Variants in B3GLCT observed in about 807,000 individuals in gnomAD.
B3GLCT encodes the protein beta-1,3-glucosyltransferase.
Under a neutral mutation model 63.4 loss-of-function variants are expected in B3GLCT, and 65 were observed. That is an observed-to-expected ratio of 1.03 (90% CI 0.84 to 1.26). The LOEUF is 1.26. Ranked by LOEUF, B3GLCT falls within the 50% of genes most tolerant of loss-of-function variation. B3GLCT has a pLI of 0.00. For synonymous variants in B3GLCT, 233 were observed against 219.2 expected, an observed-to-expected ratio of 1.06 and a Z score of -0.55; for missense variants, 577 against 604.8, an observed-to-expected ratio of 0.95 and a Z score of 0.48.
intron 4 of B3GLCT, among the ~76,000 whole-genome samples, chr13:31,235,155 G>A (rs1269590209): frequency 6.6e-6 from 1 of 152,130 alleles, no homozygotes. Flanking sequence ...GAGAATGGCA[G>A]GGACGCTTCC....
At chr13:31,286,111 A>G (rs1265842854) in intron 11 of B3GLCT, among the ~76,000 whole-genome samples, 1 of 152,160 alleles carries the variant, frequency 6.6e-6, no homozygotes, top group Non-Finnish European at 1.5e-5. Context: ...CAAGTGTTTT[A>G]TTTTTGTCCA....
chr13:31,243,169 G>A (rs572399967), intron 4 of B3GLCT, among the ~76,000 whole-genome samples: 6 of 152,330 alleles, frequency 3.9e-5, no homozygotes, highest in African/African-American at 1.4e-4. Context: ...AATGGAATCA[G>A]TCTTAAAAGT....
In B3GLCT at chr13:31,297,382, T is replaced by G. The variant is rs891563854; in HGVS notation, c.1064+10563T>G. 1.4e-3 allele frequency among the ~76,000 whole-genome samples: 211 copies of G among 151,868 alleles called. 1 individual carries two copies. Among genetic ancestry groups the G allele is most frequent in the African/African-American group, 4.7e-3 (193 of 41,384 alleles). On this transcript the variant is annotated intron_variant, in intron 12 of 14. Coordinates refer to ENST00000343307, the MANE Select transcript of B3GLCT (RefSeq NM_194318.4). The stretch of plus-strand genomic sequence containing the variant: ...AACCCCATTATTTTCTGGGTTTTTT[T>G]TTTTTTTTTTTTGATAGTCGCTATT...
intron 14 of B3GLCT, among the ~76,000 whole-genome samples, chr13:31,327,400 T>C (rs2137953794): frequency 6.6e-6 from 1 of 152,238 alleles, no homozygotes; most frequent in African/African-American, 2.4e-5. Flanking sequence ...AAAGGGAGGA[T>C]TCATGCCCAG....
chr13:31,316,798 T>G lies in B3GLCT; in HGVS notation c.1065-768T>G, dbSNP rs770727166. ...TTTTCGATTTTATTTTCCTATAAAT[T>G]CATTGTTTTCATCCAAACAGCAGCT... On this transcript the variant is annotated intron_variant, in intron 12 of 14. Coordinates refer to ENST00000343307, the MANE Select transcript of B3GLCT (RefSeq NM_194318.4). 1.5e-3 allele frequency among the ~76,000 whole-genome samples: 230 copies of G among 152,272 alleles called. 2 individuals carry two copies. The highest frequency in any genetic ancestry group is 2.4e-4 in the Non-Finnish European group (16 of 68,024).
In B3GLCT at chr13:31,231,984, T is replaced by C. The variant is rs371689414; in HGVS notation, c.270+2690T>C. 1.7e-3 allele frequency among the ~76,000 whole-genome samples: 258 copies of C among 152,294 alleles called. 1 individual carries two copies. The highest frequency in any genetic ancestry group is 6.0e-3 in the African/African-American group (251 of 41,552). On this transcript the variant is annotated intron_variant, in intron 4 of 14. Coordinates refer to ENST00000343307, the MANE Select transcript of B3GLCT (RefSeq NM_194318.4). ...GTATTTAGGAATGGAGAATGTGTTA[T>C]AGCTTCTCTTTGGTGTCTGTCAGGA...
chr13:31,282,278 T>G (rs1195956608), intron 10 of B3GLCT, among the ~76,000 whole-genome samples: 8 of 152,210 alleles, frequency 5.3e-5, no homozygotes, highest in Admixed American at 5.2e-4. Context: ...TAATTTAGAA[T>G]CAACCCTGGT....
chr13:31,258,780 A>G (rs1260710965), intron 6 of B3GLCT, among the ~76,000 whole-genome samples: 1 of 152,062 alleles, frequency 6.6e-6, no homozygotes, highest in Non-Finnish European at 1.5e-5. Flanking sequence ...TTTTCTTTGT[A>G]TTTGTTCTCA....
intron 4 of B3GLCT, among the ~76,000 whole-genome samples, chr13:31,238,286 C>T (rs1870754293): frequency 6.6e-6 from 1 of 152,194 alleles, no homozygotes; most frequent in African/African-American, 2.4e-5. Context: ...AGAGCGTAAA[C>T]TAACTTTTTA....
intron 7 of B3GLCT, among the ~76,000 whole-genome samples, chr13:31,266,166 A>AT (rs1227666405): frequency 3.3e-5 from 5 of 151,246 alleles, no homozygotes; most frequent in African/African-American, 4.9e-5. Context: ...CCCGCCTAAT[A>AT]TTTTTGTGTT....
chr13:31,269,423 T>G lies in B3GLCT; in HGVS notation c.660+146T>G, dbSNP rs1318037028. The G allele has an allele frequency of 1.6e-5, 10 of 616,314 alleles. No individual in the cohort carries two copies. The Admixed American group carries it at 2.4e-4, about 15-fold the overall frequency. The allele number at this position is 616,314 out of a possible 1,614,324, so 38.2% of individuals were successfully genotyped here. Reference sequence around the variant, plus strand: ...GATAATTTCATAGCACTCCAGCGAATTAGGTGCTTTTATTTTAAGCTCATT... The same window carrying G: ...GATAATTTCATAGCACTCCAGCGAAGTAGGTGCTTTTATTTTAAGCTCATT... On this transcript the variant is annotated intron_variant, in intron 8 of 14. Coordinates refer to ENST00000343307, the MANE Select transcript of B3GLCT (RefSeq NM_194318.4).
chr13:31,224,697 A>G (rs527388408), intron 3 of B3GLCT, among the ~76,000 whole-genome samples: 3 of 152,214 alleles, frequency 2.0e-5, no homozygotes, highest in Non-Finnish European at 2.9e-5. Context: ...CCAAGTAAAC[A>G]TAATTGGAGT....
At chr13:31,327,839 T>C (rs1222655996) in intron 14 of B3GLCT, among the ~76,000 whole-genome samples, 2 of 152,382 alleles carry the variant, frequency 1.3e-5, no homozygotes, top group East Asian at 3.9e-4. Context: ...TGAGCAGTTA[T>C]AATTTCTTAA....
intron 1 of B3GLCT, among the ~76,000 whole-genome samples, chr13:31,209,044 C>A (rs955792079): frequency 1.3e-5 from 2 of 152,166 alleles, no homozygotes; most frequent in Admixed American, 1.3e-4. Context: ...GTTGACCCTG[C>A]CATTGGCCTG....
intron 2 of B3GLCT, 27 bp downstream of exon 2, chr13:31,215,127 TC>T (rs767493396): frequency 6.3e-7 from 1 of 1,595,084 alleles, no homozygotes; most frequent in South Asian, 1.1e-5. Context: ...TCAAATCTTT[TC>T]CTCCCTTCTA....
chr13:31,329,730 C>T lies in B3GLCT; in HGVS notation c.*62C>T, dbSNP rs1875820732. 6.4e-7 allele frequency: 1 copy of T among 1,573,290 alleles called. No homozygotes were observed. The highest frequency in any genetic ancestry group is 2.2e-5 in the East Asian group (1 of 44,534). On this transcript the variant is annotated 3_prime_UTR_variant, in exon 15 of 15. Transcript: ENST00000343307. ...TGAACTGGAGACTGTGGCCTCATCCCACTGTGCTGTGCTCACAACACTTGT... is the reference window on the plus strand; with the variant it reads ...TGAACTGGAGACTGTGGCCTCATCCTACTGTGCTGTGCTCACAACACTTGT...
chr13:31,313,745 G>A (rs539012132), intron 12 of B3GLCT, among the ~76,000 whole-genome samples: 1 of 152,182 alleles, frequency 6.6e-6, no homozygotes, highest in Non-Finnish European at 1.5e-5. Context: ...GCAAGTAGCC[G>A]AATGTTAATT....
At chr13:31,286,860 A>G (rs760225353) in intron 12 of B3GLCT, 41 bp downstream of exon 12, 1 of 1,366,096 alleles carries the variant, frequency 7.3e-7, no homozygotes, top group Non-Finnish European at 1.0e-6. Flanking sequence ...TAAATTCTAC[A>G]TATATTCATA....
At chr13:31,258,000 G>A (rs140412364) in intron 6 of B3GLCT, among the ~76,000 whole-genome samples, 179 of 152,178 alleles carry the variant, frequency 1.2e-3, no homozygotes, top group Middle Eastern at 3.4e-3. Flanking sequence ...ATAATGTGTC[G>A]GATGGTAACA....
Sources: allele counts gnomAD v4.1 joint callset (sites outside exome capture counted in the v4.1 genomes callset), GRCh38; gene constraint gnomAD v4.1.1; transcripts MANE v1.5; gene names NCBI Gene and HGNC (gene_info 2026-07-23, HGNC 2026-07-21).